The following KLRG1 variants were observed in gnomAD, a reference collection of about 807,000 sequenced individuals.
The protein encoded by KLRG1 is killer cell lectin like receptor G1.
In KLRG1, 16 loss-of-function variants were observed where a neutral mutation model predicts 21.8. The observed-to-expected ratio is 0.73, with a 90% CI of 0.50 to 1.11. The LOEUF is 1.11. Ranked by LOEUF, KLRG1 falls within the 50% of genes most tolerant of loss-of-function variation. The pLI, the probability that KLRG1 is intolerant of heterozygous loss-of-function variation, is 0.00. For synonymous variants in KLRG1, 69 were observed against 75.9 expected (o/e 0.91, Z 0.47); for missense variants, 173 against 218.3 (o/e 0.79, Z 1.31).
the KLRG1 span, among the ~76,000 whole-genome samples, chr12:9,039,884 T>G: frequency 2.4e-4 from 36 of 152,354 alleles, 1 homozygote; most frequent in South Asian, 7.5e-3. Flanking sequence ...GATTATTTGA[T>G]TAGCAAAAAT....
upstream of KLRG1, among the ~76,000 whole-genome samples, chr12:8,985,690 T>C (rs1179166826): frequency 6.6e-6 from 1 of 152,170 alleles, no homozygotes; most frequent in Admixed American, 6.5e-5. Flanking sequence ...AAGATACAGA[T>C]GAAGAGAACT....
the KLRG1 span, among the ~76,000 whole-genome samples, chr12:9,170,990 C>T: frequency 6.6e-6 from 1 of 152,204 alleles, no homozygotes; most frequent in East Asian, 1.9e-4. This position sits in a 1 kb window ranked among gnomAD's most constrained non-coding sequence, Gnocchi z 4.6. Context: ...ACCTGCTCTA[C>T]CAAAAAGCAG....
the KLRG1 span, among the ~76,000 whole-genome samples, chr12:9,041,351 A>C: frequency 1.3e-5 from 2 of 152,178 alleles, no homozygotes; most frequent in South Asian, 2.1e-4. Context: ...AACAAACAAA[A>C]AAACAAAACA....
At chr12:9,192,821 G>A in the KLRG1 span, 10 of 929,968 alleles carry the variant, frequency 1.1e-5, no homozygotes, top group Middle Eastern at 2.3e-4. Context: ...TAGTTACAAC[G>A]GTGTCTTCCA....
the KLRG1 span, chr12:9,068,104 A>C: frequency 1.4e-6 from 2 of 1,473,630 alleles, no homozygotes; most frequent in Non-Finnish European, 1.9e-6. Flanking sequence ...ATATTTACCC[A>C]GCGTTTTATG....
chr12:9,207,360 C>T, the KLRG1 span, among the ~76,000 whole-genome samples: 1 of 152,192 alleles, frequency 6.6e-6, no homozygotes, highest in Non-Finnish European at 1.5e-5. Context: ...GAGTTCTCAC[C>T]ATTCTCTGGA....
At chr12:9,145,598 A>C in the KLRG1 span, among the ~76,000 whole-genome samples, 3 of 152,188 alleles carry the variant, frequency 2.0e-5, no homozygotes, top group African/African-American at 7.2e-5. Context: ...ACAGTAATAC[A>C]GTATCATGTG....
the KLRG1 span, among the ~76,000 whole-genome samples, chr12:9,179,447 C>A: frequency 6.6e-6 from 1 of 152,024 alleles, no homozygotes; most frequent in African/African-American, 2.4e-5. Flanking sequence ...AGTGTCACCC[C>A]CATGAATTAA....
intron 1 of KLRG1, among the ~76,000 whole-genome samples, chr12:8,957,160 T>G (rs1225479789): frequency 1.3e-5 from 2 of 152,250 alleles, no homozygotes; most frequent in African/African-American, 4.8e-5. Flanking sequence ...TGAACTTGTA[T>G]GTATCAGTAG....
chr12:9,116,095 T>C, the KLRG1 span: 2 of 478,066 alleles, frequency 4.2e-6, no homozygotes, highest in Non-Finnish European at 7.8e-6. Context: ...CCTGGAGGGC[T>C]AAAACTACAT....
the KLRG1 span, among the ~76,000 whole-genome samples, chr12:9,031,824 T>C: frequency 1.3e-5 from 2 of 152,230 alleles, no homozygotes; most frequent in African/African-American, 2.4e-5. Flanking sequence ...CTTTTCTGGC[T>C]GACAATTGGT....
At chr12:9,077,482 T>C in the KLRG1 span, 10 of 1,521,000 alleles carry the variant, frequency 6.6e-6, no homozygotes, top group Non-Finnish European at 9.0e-6. Flanking sequence ...GATTAGTTCT[T>C]TCTATTCTGC....
chr12:9,072,627 T>C, the KLRG1 span: 1 of 1,611,336 alleles, frequency 6.2e-7, no homozygotes. Flanking sequence ...TCATCTGTCC[T>C]GTCCTCACCT....
chr12:9,041,774 T>C, the KLRG1 span, among the ~76,000 whole-genome samples: 1 of 152,194 alleles, frequency 6.6e-6, no homozygotes, highest in African/African-American at 2.4e-5. Context: ...ATCATCTAAC[T>C]GCTTGAGGTA....
At chr12:9,178,164 G>A in the KLRG1 span, among the ~76,000 whole-genome samples, 23 of 152,216 alleles carry the variant, frequency 1.5e-4, no homozygotes, top group African/African-American at 5.3e-4. Flanking sequence ...CATTATCTGT[G>A]GTCAACTGTG....
the KLRG1 span, chr12:9,149,422 C>A: frequency 1.3e-6 from 1 of 780,618 alleles, no homozygotes; most frequent in South Asian, 2.4e-5. Flanking sequence ...TGCTACGCCA[C>A]AGTTTTGTCT....
chr12:9,150,492 C>G, the KLRG1 span: 1 of 539,780 alleles, frequency 1.9e-6, no homozygotes, highest in Non-Finnish European at 3.2e-6. Context: ...CTATGTTGGC[C>G]AGACTGTAGT....
At chr12:9,013,015 C>T (rs1222349550), downstream of KLRG1, among the ~76,000 whole-genome samples, 1 of 152,166 alleles carries the variant, frequency 6.6e-6, no homozygotes, top group African/African-American at 2.4e-5. Context: ...GAGAGAGAGA[C>T]TCCATTTCTT....
rs181839448 is a variant in KLRG1, at chr12:8,978,508, G to T, written c.-155-13698G>T. ...CATTTTTAAACAATAATTTTTCTAGGTATATCTTGGTTGGCTGTTTTCTCT... is the reference window on the plus strand; with the variant it reads ...CATTTTTAAACAATAATTTTTCTAGTTATATCTTGGTTGGCTGTTTTCTCT... On this transcript the variant is annotated intron_variant, in intron 1 of 4. Transcript: ENST00000539240. Among the ~76,000 whole-genome samples, 14 of 152,056 alleles carry T rather than the reference G, an allele frequency of 9.2e-5. No homozygotes were observed. In the East Asian group the frequency reaches 2.7e-3, roughly 29 times the overall value.
Sources: gnomAD v4.1 joint callset for allele counts (sites outside exome capture counted in the v4.1 genomes callset) on GRCh38, gnomAD v4.1.1 for gene constraint, Gnocchi (gnomAD v3.1) non-coding constraint, MANE v1.5 for transcripts, NCBI Gene and HGNC (gene_info 2026-07-23, HGNC 2026-07-21) for gene names.